IDH3A: variants seen among roughly 807,000 people sequenced by gnomAD.
The protein encoded by IDH3A is isocitrate dehydrogenase [NAD] subunit alpha, mitochondrial.
Under a neutral mutation model 43.3 loss-of-function variants are expected in IDH3A, and 23 were observed. The ratio of observed to expected loss-of-function variants is 0.53; its 90% CI spans 0.38 to 0.75. The LOEUF is 0.75. IDH3A is among the 30% of genes least tolerant of loss of function. The pLI is 0.00. For missense variants in IDH3A, 329 were observed against 474.4 expected (o/e 0.69, Z 2.85); for synonymous variants, 154 against 163.5 (o/e 0.94, Z 0.44).
chr15:78,160,508 T>A (rs2074671111), intron 4 of IDH3A, among the ~76,000 whole-genome samples: 1 of 152,226 alleles, frequency 6.6e-6, no homozygotes, highest in African/African-American at 2.4e-5. Context: ...CTTAATTTTT[T>A]TGTGACAGAG....
At chr15:78,160,933 G>A (rs1257277944) in intron 4 of IDH3A, among the ~76,000 whole-genome samples, 2 of 152,208 alleles carry the variant, frequency 1.3e-5, no homozygotes, top group African/African-American at 4.8e-5. Context: ...CCAGGCTGGA[G>A]TGCAGTGCCG....
chr15:78,167,290 G>C (rs887844210), intron 10 of IDH3A, among the ~76,000 whole-genome samples: 1 of 152,212 alleles, frequency 6.6e-6, no homozygotes, highest in Non-Finnish European at 1.5e-5. Flanking sequence ...CTGAGGTACA[G>C]AGAGAATAAA....
intron 2 of IDH3A, chr15:78,156,851 T>G: frequency 7.7e-7 from 1 of 1,292,056 alleles, no homozygotes; most frequent in Non-Finnish European, 1.0e-6. Context: ...ATTGTCATTC[T>G]AAGTGTGACT....
intron 6 of IDH3A, 35 bp from the exon 7 acceptor site, chr15:78,163,472 T>C: frequency 2.8e-6 from 4 of 1,425,758 alleles, no homozygotes; most frequent in Non-Finnish European, 2.9e-6. Flanking sequence ...TCTGTAAGAC[T>C]TTTTTTTCAG....
intron 9 of IDH3A, among the ~76,000 whole-genome samples, chr15:78,165,409 T>C (rs1246096733): frequency 6.6e-6 from 1 of 152,078 alleles, no homozygotes; most frequent in Admixed American, 6.5e-5. Context: ...CAGGCTGTTC[T>C]TGAACTCCTG....
intron 8 of IDH3A, among the ~76,000 whole-genome samples, chr15:78,164,557 G>A (rs1474808430): frequency 6.6e-6 from 1 of 152,134 alleles, no homozygotes; most frequent in Non-Finnish European, 1.5e-5. Context: ...TCGCCATGTT[G>A]GCCAGGCTGG....
At chr15:78,152,630 G>C (rs1316803706) in intron 1 of IDH3A, among the ~76,000 whole-genome samples, 1 of 152,168 alleles carries the variant, frequency 6.6e-6, no homozygotes, top group Admixed American at 6.5e-5. Flanking sequence ...AAAGTGCTGG[G>C]ATTACAGGCG....
At chr15:78,158,463 A>ATATATATATATTT (rs1212083496) in intron 3 of IDH3A, among the ~76,000 whole-genome samples, 2 of 67,378 alleles carry the variant, frequency 3.0e-5, no homozygotes, top group African/African-American at 5.5e-5. Flanking sequence ...ATATATATAT[A>ATATATATATATTT]TTTTTTTTTT....
At chr15:78,152,099 C>A (rs1339434381) in intron 1 of IDH3A, among the ~76,000 whole-genome samples, 1 of 144,988 alleles carries the variant, frequency 6.9e-6, no homozygotes, top group Admixed American at 7.0e-5. Flanking sequence ...GCTCCTGTTG[C>A]CCAGGCTGGA....
intron 1 of IDH3A, among the ~76,000 whole-genome samples, chr15:78,154,233 T>G (rs1173648458): frequency 6.6e-6 from 1 of 150,546 alleles, no homozygotes; most frequent in East Asian, 1.9e-4. Context: ...CTTGGTGTGG[T>G]GGGATTACTG....
rs777130037 is a variant in IDH3A, at chr15:78,162,339, G to A, written c.583G>A (p.Val195Ile). ...TGCCCGGAACAACCACCGGAGCAAC[G>A]TCACGGCGGTGCACAAAGCCAACAT... ...EYARNNHRSN[V>I]TAVHKANIMR... Residue 195 changes from valine to isoleucine, a missense_variant, in exon 6 of 11, where the codon GTC (valine) becomes ATC (isoleucine). By Grantham distance (29) the Val-to-Ile change is conservative. Transcript: ENST00000299518. 1.1e-5 allele frequency: 18 copies of A among 1,614,016 alleles called. No homozygotes were observed. The highest frequency in any genetic ancestry group is 8.8e-5 in the South Asian group (8 of 91,082).
At chr15:78,164,310 C>CG (rs1056878058) in intron 8 of IDH3A, among the ~76,000 whole-genome samples, 12 of 151,520 alleles carry the variant, frequency 7.9e-5, no homozygotes, top group African/African-American at 2.2e-4. Context: ...TCTCTCCCCC[C>CG]CCGACACACA....
rs775662194 is a variant in IDH3A, at chr15:78,171,560, G to A, written c.*2555G>A. ...AGGGAAATGAGAAGAAATGAGTGAG[G>A]CCCAGGCTCTGAGAACTCTGAGAAT... On this transcript the variant is annotated 3_prime_UTR_variant, in exon 11 of 11. Coordinates refer to ENST00000299518, the MANE Select transcript of IDH3A (RefSeq NM_005530.3). The A allele has an allele frequency of 1.3e-6, 2 of 1,574,832 alleles. No homozygotes were observed. Among genetic ancestry groups the A allele is most frequent in the South Asian group, 2.2e-5 (2 of 90,226 alleles).
intron 9 of IDH3A, among the ~76,000 whole-genome samples, chr15:78,165,789 A>C (rs1041794663): frequency 6.6e-6 from 1 of 151,948 alleles, no homozygotes; most frequent in Admixed American, 6.6e-5. Context: ...GCTAGGCTTA[A>C]GCAATCCTCC....
At chr15:78,168,768 G>A (rs2074782605) in intron 10 of IDH3A, 154 bp from the exon 11 acceptor site, 3 of 623,004 alleles carry the variant, frequency 4.8e-6, no homozygotes, top group East Asian at 2.6e-5. Context: ...TGGGTAGATG[G>A]TGGTGGAGTG....
intron 5 of IDH3A, 93 bp from the exon 6 acceptor site, chr15:78,162,141 T>G: frequency 2.9e-6 from 4 of 1,369,628 alleles, no homozygotes; most frequent in Non-Finnish European, 4.1e-6. Context: ...TGTGCAGGCC[T>G]GCCACAAATG....
At chr15:78,151,981 T>C (rs973045724) in intron 1 of IDH3A, among the ~76,000 whole-genome samples, 1 of 151,546 alleles carries the variant, frequency 6.6e-6, no homozygotes, top group Non-Finnish European at 1.5e-5. Context: ...CACAGAGACA[T>C]AAGCTAGTTT....
intron 6 of IDH3A, among the ~76,000 whole-genome samples, chr15:78,163,013 G>A (rs7180781): frequency 3.9e-5 from 6 of 152,100 alleles, no homozygotes; most frequent in Non-Finnish European, 5.9e-5. Flanking sequence ...GCCACATAGC[G>A]TACGTTTTAG....
chr15:78,155,292 C>A lies in IDH3A; in HGVS notation c.90+17C>A. 6.3e-7 allele frequency: 1 copy of A among 1,581,200 alleles called. No homozygotes were observed. The highest frequency in any genetic ancestry group is 8.7e-7 in the Non-Finnish European group (1 of 1,153,630). On this transcript the variant is annotated intron_variant, in intron 2 of 10. Coordinates refer to ENST00000299518, the MANE Select transcript of IDH3A (RefSeq NM_005530.3). ...ACTGGTGGTGTGAGTATAATTATGTCTTTTATTTTTTCCTTTTAGAAGTTT... is the reference window on the plus strand; with the variant it reads ...ACTGGTGGTGTGAGTATAATTATGTATTTTATTTTTTCCTTTTAGAAGTTT...
Sources: allele counts gnomAD v4.1 joint callset (sites outside exome capture counted in the v4.1 genomes callset), GRCh38; gene constraint gnomAD v4.1.1; transcripts MANE v1.5; gene names NCBI Gene and HGNC (gene_info 2026-07-23, HGNC 2026-07-21).